KIAA1217: variants seen among roughly 807,000 people sequenced by gnomAD.
The protein encoded by KIAA1217 is KIAA1217.
A neutral mutation model predicts 163.9 loss-of-function variants in KIAA1217; 88 were observed. That is an observed-to-expected ratio of 0.54 (90% CI 0.45 to 0.64). The LOEUF is 0.64. KIAA1217 is among the 30% of genes least tolerant of loss of function. The pLI, the probability that KIAA1217 is intolerant of heterozygous loss-of-function variation, is 0.00. For missense variants in KIAA1217, 2,372 were observed against 2,475.0 expected, an observed-to-expected ratio of 0.96 and a Z score of 0.88; for synonymous variants, 903 against 923.1, an observed-to-expected ratio of 0.98 and a Z score of 0.39.
chr10:24,255,703 T>C (rs2075080303), intron 2 of KIAA1217: 1 of 270,070 alleles, frequency 3.7e-6, no homozygotes, highest in Admixed American at 5.2e-5. Flanking sequence ...GAGTCAGTTG[T>C]TCCCAGTCGC....
chr10:23,802,149 G>C (rs939283503), intron 1 of KIAA1217, among the ~76,000 whole-genome samples: 9 of 152,124 alleles, frequency 5.9e-5, no homozygotes, highest in African/African-American at 2.2e-4. Context: ...TTCAGATGAA[G>C]GGCAGATACA....
At chr10:24,433,670 A>G (rs189021298) in intron 4 of KIAA1217, among the ~76,000 whole-genome samples, 50 of 152,290 alleles carry the variant, frequency 3.3e-4, no homozygotes, top group Non-Finnish European at 3.2e-4. Context: ...GCAGTACTTC[A>G]TTCATATTGG....
intron 4 of KIAA1217, among the ~76,000 whole-genome samples, chr10:24,436,360 C>T (rs889212062): frequency 1.6e-4 from 24 of 151,826 alleles, no homozygotes; most frequent in African/African-American, 4.8e-4. Context: ...ACATGCATGT[C>T]GCTTCCAAAG....
At chr10:23,967,988 G>C (rs1167825256) in intron 1 of KIAA1217, among the ~76,000 whole-genome samples, 3 of 150,832 alleles carry the variant, frequency 2.0e-5, no homozygotes, top group Non-Finnish European at 3.0e-5. Context: ...GGATACATGT[G>C]TGGAATGTGC....
intron 6 of KIAA1217, chr10:24,481,446 G>A (rs2064678921): frequency 6.6e-6 from 1 of 152,146 alleles, no homozygotes; most frequent in Non-Finnish European, 1.5e-5. Flanking sequence ...GAGTCAGAGA[G>A]GAGAGAAGGG....
intron 1 of KIAA1217, among the ~76,000 whole-genome samples, chr10:23,915,831 G>A (rs1842615561): frequency 6.6e-6 from 1 of 152,138 alleles, no homozygotes; most frequent in African/African-American, 2.4e-5. Context: ...ATTGCCTGTG[G>A]GAAGTTCAAA....
rs562632803 is a variant in KIAA1217 at position 24,250,706 on chromosome 10, C to G, written c.354+30797C>G. ...ATCTGCCCACCCCCCGCCCCTCGGC[C>G]TCACAAAGTGCTGGGATTACAGGCG... On this transcript the variant is annotated intron_variant, in intron 2 of 20. Transcript: ENST00000376454. Among the ~76,000 whole-genome samples, 635 of 98,870 alleles carry G rather than the reference C, an allele frequency of 6.4e-3. 17 individuals carry two copies. Among genetic ancestry groups the G allele is most frequent in the African/African-American group, 0.024 (602 of 24,594 alleles). 64.9% of individuals were successfully genotyped at this position (98,870 alleles called of 152,430 possible).
intron 2 of KIAA1217, among the ~76,000 whole-genome samples, chr10:24,201,905 C>A (rs182803992): frequency 3.7e-4 from 50 of 133,950 alleles, no homozygotes; most frequent in Non-Finnish European, 7.0e-4. Flanking sequence ...CCCTCTCGAG[C>A]GCCCCCAACC....
chr10:24,392,040 T>C (rs562301689), intron 3 of KIAA1217, among the ~76,000 whole-genome samples: 2 of 152,278 alleles, frequency 1.3e-5, no homozygotes, highest in African/African-American at 4.8e-5. Flanking sequence ...TCTGGCTTCA[T>C]CAAAACCAAT....
chr10:24,533,743 A>G (rs1337916022), intron 16 of KIAA1217, among the ~76,000 whole-genome samples: 1 of 152,200 alleles, frequency 6.6e-6, no homozygotes, highest in African/African-American at 2.4e-5. Flanking sequence ...GATATTCTGA[A>G]AAGCTGAATT....
intron 2 of KIAA1217, among the ~76,000 whole-genome samples, chr10:24,188,297 A>C (rs1157779250): frequency 1.3e-5 from 2 of 152,178 alleles, no homozygotes; most frequent in East Asian, 3.8e-4. Context: ...CAATTAATTA[A>C]CTCCTTTATC....
At chr10:24,035,209 A>G (rs550699028) in intron 2 of KIAA1217, among the ~76,000 whole-genome samples, 1 of 152,276 alleles carries the variant, frequency 6.6e-6, no homozygotes, top group South Asian at 2.1e-4. Flanking sequence ...TGGAGATAAT[A>G]ATGGTGTCTA....
intron 2 of KIAA1217, among the ~76,000 whole-genome samples, chr10:24,116,246 T>C (rs2063048065): frequency 6.6e-6 from 1 of 152,012 alleles, no homozygotes; most frequent in Non-Finnish European, 1.5e-5. Context: ...ATGAATACAA[T>C]TATGGTGATA....
rs556884163 is a variant in KIAA1217, at chr10:24,196,352, C to T, written c.-170-23274C>T. 5.3e-5 allele frequency among the ~76,000 whole-genome samples: 8 copies of T among 152,316 alleles called. No individual in the cohort carries two copies. The South Asian group carries it at 1.4e-3, about 28-fold the overall frequency. ...CCAGGCAATTGCACAGGAGGCAGCTCAAAACAGTAATCAATCTTGGGAAAT... is the reference window on the plus strand; with the variant it reads ...CCAGGCAATTGCACAGGAGGCAGCTTAAAACAGTAATCAATCTTGGGAAAT... On this transcript the variant is annotated intron_variant, in intron 2 of 18. Coordinates refer to the KIAA1217 transcript ENST00000376462.
intron 6 of KIAA1217, among the ~76,000 whole-genome samples, chr10:24,485,299 G>A (rs2065249208): frequency 6.6e-6 from 1 of 152,144 alleles, no homozygotes; most frequent in Non-Finnish European, 1.5e-5. Flanking sequence ...CCTCTACAGA[G>A]TAAGGGTTCG....
intron 2 of KIAA1217, among the ~76,000 whole-genome samples, chr10:24,374,686 T>C (rs10828640): frequency 0.17 from 26,217 of 152,210 alleles, 2,715 homozygotes; most frequent in East Asian, 0.37. Context: ...GGAGATATCA[T>C]TCAGATTTTG....
intron 6 of KIAA1217, among the ~76,000 whole-genome samples, chr10:24,476,914 C>G (rs1043592430): frequency 2.0e-5 from 3 of 152,014 alleles, no homozygotes; most frequent in African/African-American, 7.2e-5. Context: ...TACACATTCT[C>G]TCTACATTTA....
At chr10:23,697,130 A>G (rs1836096988) in intron 1 of KIAA1217, among the ~76,000 whole-genome samples, 3 of 152,162 alleles carry the variant, frequency 2.0e-5, no homozygotes, top group African/African-American at 7.2e-5. Context: ...TTAGATTGTA[A>G]ATGCCATTTT....
intron 2 of KIAA1217, among the ~76,000 whole-genome samples, chr10:24,154,614 C>T (rs1047119366): frequency 6.6e-6 from 1 of 152,030 alleles, no homozygotes; most frequent in African/African-American, 2.4e-5. Context: ...GTGACTCACA[C>T]CTATAATCCC....
Sources: allele counts gnomAD v4.1 joint callset (sites outside exome capture counted in the v4.1 genomes callset), GRCh38; gene constraint gnomAD v4.1.1; transcripts MANE v1.5; gene names NCBI Gene and HGNC (gene_info 2026-07-23, HGNC 2026-07-21).